Variants in TRABD2B observed in about 807,000 individuals in gnomAD.
TRABD2B encodes TraB domain containing 2B.
A neutral mutation model predicts 40.1 loss-of-function variants in TRABD2B; 14 were observed. The observed-to-expected ratio is 0.35, with a 90% CI of 0.23 to 0.55. The LOEUF (loss-of-function observed/expected upper bound fraction) is 0.55. Among genes scored for constraint, TRABD2B ranks in the 20% least tolerant of loss-of-function variants. The probability of loss-of-function intolerance (pLI) is 0.90; values close to 1 mark genes in which losing one functional copy is unlikely to be tolerated. For missense variants in TRABD2B, 541 were observed against 648.6 expected, an observed-to-expected ratio of 0.83 and a Z score of 1.80; for synonymous variants, 263 against 277.0, an observed-to-expected ratio of 0.95 and a Z score of 0.50.
intron 2 of TRABD2B, among the ~76,000 whole-genome samples, chr1:47,897,794 A>G (rs1298392919): frequency 1.3e-5 from 2 of 151,958 alleles, no homozygotes; most frequent in Admixed American, 1.3e-4. Context: ...CAGCCGACCT[A>G]CTCTACCTCT....
chr1:47,872,914 C>T (rs11801173), intron 2 of TRABD2B, among the ~76,000 whole-genome samples: 7,432 of 152,116 alleles, frequency 0.049, 331 homozygotes, highest in East Asian at 0.15. Flanking sequence ...TAATGAAATA[C>T]TATAGACTGA....
Position 47,987,225 on chromosome 1 carries a change from C to T in TRABD2B, c.666+6809G>A, listed in dbSNP as rs188424738. Among the ~76,000 whole-genome samples the T allele has an allele frequency of 8.5e-4, 129 of 152,186 alleles. 2 individuals carry two copies. Among genetic ancestry groups the T allele is most frequent in the South Asian group, 8.3e-3 (40 of 4,814 alleles). ...GGGGGAAGATCAGACAATATGTTTGCGGATGAGGGTTCTTGGAATTCTTGA... is the reference window on the plus strand; with the variant it reads ...GGGGGAAGATCAGACAATATGTTTGTGGATGAGGGTTCTTGGAATTCTTGA... On this transcript the variant is annotated intron_variant, in intron 2 of 6. Transcript: ENST00000606738.
At chr1:47,900,300 G>C (rs1329349369) in intron 2 of TRABD2B, among the ~76,000 whole-genome samples, 3 of 152,114 alleles carry the variant, frequency 2.0e-5, no homozygotes, top group Admixed American at 2.0e-4. Context: ...CCTAAGGCAG[G>C]GCCCACTTGC....
intron 2 of TRABD2B, among the ~76,000 whole-genome samples, chr1:47,817,887 C>T (rs1166198647): frequency 1.3e-5 from 2 of 152,242 alleles, no homozygotes; most frequent in Non-Finnish European, 2.9e-5. Flanking sequence ...GGCTTCCACC[C>T]CAGCTCCTCC....
chr1:47,779,819 G>A (rs1644496481), intron 4 of TRABD2B, among the ~76,000 whole-genome samples: 1 of 152,210 alleles, frequency 6.6e-6, no homozygotes, highest in African/African-American at 2.4e-5. Flanking sequence ...TCCTCTAATT[G>A]CCTGTGAATG....
intron 2 of TRABD2B, among the ~76,000 whole-genome samples, chr1:47,953,339 A>T (rs1184183648): frequency 6.6e-6 from 1 of 152,196 alleles, no homozygotes; most frequent in African/African-American, 2.4e-5. Flanking sequence ...GAGCTTGGAG[A>T]GACGCACTTT....
chr1:47,841,110 G>A (rs369457683), intron 2 of TRABD2B, among the ~76,000 whole-genome samples: 3 of 152,264 alleles, frequency 2.0e-5, no homozygotes, highest in East Asian at 1.9e-4. Flanking sequence ...AATGACTGAC[G>A]AGGGGAGGGC....
intron 2 of TRABD2B, among the ~76,000 whole-genome samples, chr1:47,852,319 C>G (rs952243925): frequency 1.3e-5 from 2 of 152,182 alleles, no homozygotes; most frequent in Non-Finnish European, 2.9e-5. Context: ...TCTAAGGCAG[C>G]CTTTGTTGCT....
intron 2 of TRABD2B, among the ~76,000 whole-genome samples, chr1:47,991,982 G>A (rs1307722306): frequency 2.6e-5 from 4 of 152,186 alleles, no homozygotes; most frequent in African/African-American, 4.8e-5. Context: ...CCAAGGGGAT[G>A]GAGGAGAGAT....
intron 2 of TRABD2B, among the ~76,000 whole-genome samples, chr1:47,979,117 C>T (rs1227850399): frequency 1.3e-5 from 2 of 152,150 alleles, no homozygotes; most frequent in African/African-American, 4.8e-5. Context: ...CCAAGGACTG[C>T]CGTGGGAAGT....
intron 2 of TRABD2B, among the ~76,000 whole-genome samples, chr1:47,804,377 G>T (rs188099705): frequency 1.3e-5 from 2 of 152,342 alleles, no homozygotes; most frequent in African/African-American, 4.8e-5. Context: ...CACATGCCTC[G>T]GATGAAAGTG....
intron 2 of TRABD2B, among the ~76,000 whole-genome samples, chr1:47,952,038 GC>G (rs1319265267): frequency 6.6e-6 from 1 of 152,226 alleles, no homozygotes; most frequent in African/African-American, 2.4e-5. Context: ...AGAGGGAGCA[GC>G]GACTTCTATT....
chr1:47,878,268 G>A (rs1233689770), intron 2 of TRABD2B, among the ~76,000 whole-genome samples: 1 of 151,960 alleles, frequency 6.6e-6, no homozygotes, highest in South Asian at 2.1e-4. Context: ...GTGAGCCGAG[G>A]TCACACCACT....
At chr1:47,790,775 C>G (rs1022080584) in intron 4 of TRABD2B, among the ~76,000 whole-genome samples, 1 of 152,180 alleles carries the variant, frequency 6.6e-6, no homozygotes, top group East Asian at 1.9e-4. Flanking sequence ...CGTGGTGTTA[C>G]GTAATCAGAG....
chr1:47,978,301 T>C (rs1208642094), intron 2 of TRABD2B, among the ~76,000 whole-genome samples: 3 of 152,244 alleles, frequency 2.0e-5, no homozygotes, highest in Non-Finnish European at 4.4e-5. Context: ...ATCTTGGACT[T>C]CCTGGCCCCC....
chr1:47,801,626 C>G lies in TRABD2B; in HGVS notation c.667-7G>C. The G allele has an allele frequency of 2.0e-6, 3 of 1,535,140 alleles. No homozygotes were observed. The highest frequency in any genetic ancestry group is 2.6e-6 in the Non-Finnish European group (3 of 1,146,284). ...GGTTCAGGGCAAACAGCACCTGGGCCGAGGAAAGAGAGAGGAATGAGGGCT... is the reference window on the plus strand; with the variant it reads ...GGTTCAGGGCAAACAGCACCTGGGCGGAGGAAAGAGAGAGGAATGAGGGCT... On this transcript the variant is annotated splice_polypyrimidine_tract_variant and splice_region_variant and intron_variant, in intron 2 of 6. Coordinates refer to ENST00000606738, the MANE Select transcript of TRABD2B (RefSeq NM_001194986.2).
At position 47,801,444 on chromosome 1, in the gene TRABD2B, G is replaced by T. The variant is rs997409355; in HGVS notation, c.813+29C>A. On this transcript the variant is annotated intron_variant, in intron 3 of 6. Coordinates refer to ENST00000606738, the MANE Select transcript of TRABD2B (RefSeq NM_001194986.2). ...GTCATAGGGATCTAATAAATGCCAG[G>T]TATCCAGGTCTTTGGAGAGGAGCCT... The T allele has an allele frequency of 2.0e-6, 3 of 1,531,040 alleles. 1 individual carries two copies. Among genetic ancestry groups the T allele is most frequent in the Non-Finnish European group, 2.6e-6 (3 of 1,142,914 alleles). 94.8% of individuals were successfully genotyped at this position (1,531,040 alleles called of 1,614,324 possible). A position where few individuals can be genotyped will look rare whatever the true frequency, so the allele number is the denominator to read the frequency against.
At chr1:47,795,650 CT>C (rs1449755954) in intron 3 of TRABD2B, 67 of 985,016 alleles carry the variant, frequency 6.8e-5, no homozygotes, top group Non-Finnish European at 4.9e-5. Context: ...AGGATGGGGG[CT>C]GTCATGGGCT....
intron 2 of TRABD2B, among the ~76,000 whole-genome samples, chr1:47,884,512 G>A (rs1644345688): frequency 6.6e-6 from 1 of 152,244 alleles, no homozygotes; most frequent in African/African-American, 2.4e-5. Context: ...GAAGCAAAGT[G>A]TGAAGAGCAT....
Sources: allele counts gnomAD v4.1 joint callset (sites outside exome capture counted in the v4.1 genomes callset), GRCh38; gene constraint gnomAD v4.1.1; transcripts MANE v1.5; gene names NCBI Gene and HGNC (gene_info 2026-07-23, HGNC 2026-07-21).